Variants in GLB1L3 observed in about 807,000 individuals in gnomAD.
GLB1L3 encodes galactosidase beta 1 like 3, also known as beta-galactosidase-1-like protein 3.
A neutral mutation model predicts 89.5 loss-of-function variants in GLB1L3; 89 were observed. The observed-to-expected ratio is 0.99, with a 90% CI of 0.84 to 1.19. The LOEUF is 1.19. Ranked by LOEUF, GLB1L3 falls within the 50% of genes most tolerant of loss-of-function variation. GLB1L3 has a pLI of 0.00. For missense variants in GLB1L3, 812 were observed against 813.3 expected (o/e 1.00, Z 0.02); for synonymous variants, 314 against 312.3 (o/e 1.01, Z -0.06).
intron 6 of GLB1L3, among the ~76,000 whole-genome samples, chr11:134,286,592 C>G (rs957356955): frequency 6.6e-6 from 1 of 151,650 alleles, no homozygotes; most frequent in Non-Finnish European, 1.5e-5. Context: ...TTGGCTAACA[C>G]GGTGAAACCC....
At chr11:134,324,220 G>A (rs536945854), downstream of GLB1L3, among the ~76,000 whole-genome samples, 3 of 152,208 alleles carry the variant, frequency 2.0e-5, no homozygotes, top group East Asian at 5.8e-4. Flanking sequence ...CAACTTTAAG[G>A]CAACTTCTAT....
intron 10 of GLB1L3, among the ~76,000 whole-genome samples, chr11:134,308,032 AAAAG>A (rs1942281008): frequency 6.6e-6 from 1 of 151,990 alleles, no homozygotes; most frequent in Non-Finnish European, 1.5e-5. Context: ...AAAAAAAGTC[AAAAG>A]AAAAATGCCA....
intron 10 of GLB1L3, among the ~76,000 whole-genome samples, 187 bp downstream of exon 10, chr11:134,307,395 C>G (rs1053867474): frequency 2.0e-5 from 3 of 152,116 alleles, no homozygotes; most frequent in East Asian, 3.9e-4. Context: ...GTTCCCACCC[C>G]CAACAGAGTA....
intron 16 of GLB1L3, 72 bp downstream of exon 16, chr11:134,313,546 C>A: frequency 1.2e-5 from 6 of 508,860 alleles, no homozygotes; most frequent in Non-Finnish European, 1.9e-5. Flanking sequence ...GAGTCGGGGG[C>A]GGGAGAGGGT....
Position 134,313,394 on chromosome 11 carries a change from A to G in GLB1L3, c.1501-2A>G. On this transcript the variant is annotated splice_acceptor_variant, in intron 15 of 19. Coordinates refer to ENST00000431683, the MANE Select transcript of GLB1L3 (RefSeq NM_001080407.3). LOFTEE classifies it high-confidence loss of function. ...TCTCCATGACCTGGCCTGTCCCAGC[A>G]GGACTGCCGATACCTGAGGATCCTG... 6.3e-7 allele frequency: 1 copy of G among 1,576,080 alleles called. No individual in the cohort carries two copies. Among genetic ancestry groups the G allele is most frequent in the Non-Finnish European group, 8.6e-7 (1 of 1,160,690 alleles).
At chr11:134,309,103 A>G (rs569316) in intron 10 of GLB1L3, among the ~76,000 whole-genome samples, 25,274 of 152,222 alleles carry the variant, frequency 0.17, 2,238 homozygotes, top group Middle Eastern at 0.19. Flanking sequence ...AATTATATGT[A>G]TGATTTCAAA....
At chr11:134,314,168 A>G in intron 17 of GLB1L3, 140 bp downstream of exon 17, 2 of 740,540 alleles carry the variant, frequency 2.7e-6, no homozygotes, top group Non-Finnish European at 4.7e-6. Context: ...CGTCAGAACT[A>G]GGGCCCTGGA....
At chr11:134,292,808 C>G in intron 8 of GLB1L3, 1 of 428,050 alleles carries the variant, frequency 2.3e-6, no homozygotes, top group Admixed American at 4.1e-5. Context: ...GTGGCTCTTC[C>G]AAGGAAGCCT....
chr11:134,308,184 CCATCATCACCAT>C (rs1942307250), intron 10 of GLB1L3, among the ~76,000 whole-genome samples: 3 of 109,782 alleles, frequency 2.7e-5, no homozygotes, highest in African/African-American at 9.0e-5. Flanking sequence ...ACCACCATCA[CCATCATCACCAT>C]CACCACTACC....
chr11:134,281,278 A>C, intron 3 of GLB1L3, 99 bp from the exon 4 acceptor site: 63 of 1,313,480 alleles, frequency 4.8e-5, no homozygotes, highest in Non-Finnish European at 6.4e-5. Context: ...ATTTCAAAAT[A>C]GAGCTATGCA....
chr11:134,321,275 A>G (rs1466039546), downstream of GLB1L3, among the ~76,000 whole-genome samples: 1 of 152,242 alleles, frequency 6.6e-6, no homozygotes, highest in East Asian at 1.9e-4. Context: ...ATTCCTAGTT[A>G]ATAAACTAAG....
At chr11:134,320,027 T>A (rs1052888728), downstream of GLB1L3, among the ~76,000 whole-genome samples, 3 of 152,068 alleles carry the variant, frequency 2.0e-5, no homozygotes, top group Non-Finnish European at 4.4e-5. Flanking sequence ...CACACACACA[T>A]GAATATTCCA....
chr11:134,299,647 G>A (rs1941839062), intron 9 of GLB1L3, among the ~76,000 whole-genome samples: 1 of 152,160 alleles, frequency 6.6e-6, no homozygotes, highest in Non-Finnish European at 1.5e-5. Flanking sequence ...GTCCCACAGA[G>A]AATCTGTTGC....
At chr11:134,292,760 G>A (rs977609505) in intron 8 of GLB1L3, 6 of 351,276 alleles carry the variant, frequency 1.7e-5, no homozygotes, top group African/African-American at 4.3e-5. Context: ...GGAGCGGGGC[G>A]AGCTGCTGCC....
At chr11:134,300,652 A>C (rs1565405887) in intron 9 of GLB1L3, among the ~76,000 whole-genome samples, 1 of 151,956 alleles carries the variant, frequency 6.6e-6, no homozygotes, top group Non-Finnish European at 1.5e-5. Context: ...CCACATTTTA[A>C]TCAAGGCGCC....
intron 5 of GLB1L3, among the ~76,000 whole-genome samples, chr11:134,283,211 C>T (rs1018702738): frequency 1.3e-5 from 2 of 152,022 alleles, no homozygotes; most frequent in Non-Finnish European, 2.9e-5. Flanking sequence ...TACAGGCGCC[C>T]GCCACCACAC....
rs1188236859 is a variant in GLB1L3 at position 134,293,226 on chromosome 11, A to G, written c.876+17A>G. On this transcript the variant is annotated intron_variant, in intron 9 of 19. Coordinates refer to ENST00000431683, the MANE Select transcript of GLB1L3 (RefSeq NM_001080407.3). ...AAAGTCCAGGTAAGACATTTCAGAC[A>G]GGCAGGGTTTTACAGCTCCTCCTAC... 7.5e-6 allele frequency: 12 copies of G among 1,608,214 alleles called. No homozygotes were observed. Among genetic ancestry groups the G allele is most frequent in the Admixed American group, 1.7e-5 (1 of 59,950 alleles).
chr11:134,308,342 CAT>C (rs1942400637), intron 10 of GLB1L3, among the ~76,000 whole-genome samples: 1 of 45,252 alleles, frequency 2.2e-5, no homozygotes. Flanking sequence ...CCATCACCAT[CAT>C]CACCATCACC....
At chr11:134,308,495 C>T (rs1333777631) in intron 10 of GLB1L3, among the ~76,000 whole-genome samples, 6 of 13,248 alleles carry the variant, frequency 4.5e-4, no homozygotes, top group South Asian at 1.8e-3. Context: ...ACCATCACCA[C>T]CAAATACCAC....
Sources: allele counts gnomAD v4.1 joint callset (sites outside exome capture counted in the v4.1 genomes callset), GRCh38; gene constraint gnomAD v4.1.1; transcripts MANE v1.5; gene names NCBI Gene and HGNC (gene_info 2026-07-23, HGNC 2026-07-21).